The following KASH5 variants were observed in gnomAD, a reference collection of about 807,000 sequenced individuals.
KASH5 encodes protein KASH5.
In KASH5, 72 loss-of-function variants were observed where a neutral mutation model predicts 84.2. That is an observed-to-expected ratio of 0.85 (90% CI 0.71 to 1.04). KASH5 has a LOEUF of 1.04. Among genes scored for constraint, KASH5 ranks in the 50% least tolerant of loss-of-function variants. KASH5 has a pLI of 0.00. For synonymous variants in KASH5, 260 were observed against 279.1 expected, an observed-to-expected ratio of 0.93 and a Z score of 0.68; for missense variants, 650 against 701.0, an observed-to-expected ratio of 0.93 and a Z score of 0.82.
At chr19:49,409,153 C>T in intron 13 of KASH5, 43 bp from the exon 14 acceptor site, 1 of 1,602,372 alleles carries the variant, frequency 6.2e-7, no homozygotes, top group South Asian at 1.1e-5. Context: ...GAGTGGCCAC[C>T]AGGCACAGAG....
At chr19:49,400,903 A>G (rs941739509) in intron 9 of KASH5, among the ~76,000 whole-genome samples, 7 of 152,290 alleles carry the variant, frequency 4.6e-5, no homozygotes, top group South Asian at 4.1e-4. Context: ...AAACTCATCA[A>G]TTGACAATGA....
At position 49,399,813 on chromosome 19, in the gene KASH5, C is replaced by A; in HGVS notation, c.798+306C>A. 1.7e-6 allele frequency: 1 copy of A among 573,592 alleles called. No homozygotes were observed. The highest frequency in any genetic ancestry group is 2.8e-6 in the Non-Finnish European group (1 of 356,808). 35.5% of individuals were successfully genotyped at this position (573,592 alleles called of 1,614,324 possible). A position where few individuals can be genotyped will look rare whatever the true frequency, so the allele number is the denominator to read the frequency against. The stretch of plus-strand genomic sequence containing the variant: ...AGATGAACAAAACAATGGCATCTGC[C>A]TCAGTGGTTTGTGTGAGACTTCAAC... On this transcript the variant is annotated intron_variant, in intron 9 of 19. Coordinates refer to ENST00000447857, the MANE Select transcript of KASH5 (RefSeq NM_144688.5). This position sits in a 1 kb window ranked among gnomAD's most constrained non-coding sequence, Gnocchi z 4.4.
Position 49,416,597 on chromosome 19 carries a change from GT to G in KASH5, c.1375-417del, listed in dbSNP as rs1974911643. Among the ~76,000 whole-genome samples, 1 of 152,218 alleles carries G rather than the reference GT, an allele frequency of 6.6e-6. No individual in the cohort carries two copies. The highest frequency in any genetic ancestry group is 2.4e-5 in the African/African-American group (1 of 41,460). ...ACAGGGGTGGGCACCTGTAGAAGATGTGGTCTCTGCCCTCAGAGAGCTTAGA... is the reference window on the plus strand; with the variant it reads ...ACAGGGGTGGGCACCTGTAGAAGATGGGTCTCTGCCCTCAGAGAGCTTAGA... On this transcript the variant is annotated intron_variant, in intron 17 of 19. Coordinates refer to ENST00000447857, the MANE Select transcript of KASH5 (RefSeq NM_144688.5). This position sits in a 1 kb window ranked among gnomAD's most constrained non-coding sequence, Gnocchi z 5.4.
At chr19:49,393,784 C>T (rs914190686) in intron 2 of KASH5, 1 of 152,238 alleles carries the variant, frequency 6.6e-6, no homozygotes, top group Non-Finnish European at 1.5e-5. Flanking sequence ...ACTCTACCCA[C>T]CCCCCCAGTA....
chr19:49,390,730 G>T, intron 1 of KASH5, 59 bp from the exon 2 acceptor site: 1 of 784,236 alleles, frequency 1.3e-6, no homozygotes, highest in Non-Finnish European at 1.9e-6. Context: ...GGTGGGGCTA[G>T]GCAGGCCCCG....
At chr19:49,408,717 G>T in intron 12 of KASH5, among the ~76,000 whole-genome samples, 1 of 152,204 alleles carries the variant, frequency 6.6e-6, no homozygotes, top group Non-Finnish European at 1.5e-5. Context: ...TGAAGTGCTG[G>T]GATTACAGGC....
rs139008336 is a variant in KASH5 at position 49,402,580 on chromosome 19, G to A, written c.798+3073G>A. On this transcript the variant is annotated intron_variant, in intron 9 of 19. Coordinates refer to ENST00000447857, the MANE Select transcript of KASH5 (RefSeq NM_144688.5). ...AAATTAGCCAGGCGTGGTGGCAGGC[G>A]TCTGTAATCCCAGCTACTTGAGAGG... 3.6e-3 allele frequency among the ~76,000 whole-genome samples: 545 copies of A among 150,834 alleles called. 12 individuals are homozygous for A. Among genetic ancestry groups the A allele is most frequent in the Admixed American group, 0.029 (441 of 15,134 alleles).
chr19:49,413,365 C>T (rs1974788573), intron 16 of KASH5, among the ~76,000 whole-genome samples: 1 of 152,224 alleles, frequency 6.6e-6, no homozygotes, highest in Non-Finnish European at 1.5e-5. Flanking sequence ...TGGTTGTATG[C>T]CGTGAAGTCC....
At chr19:49,405,727 C>T (rs1214074797) in intron 9 of KASH5, among the ~76,000 whole-genome samples, 1 of 151,632 alleles carries the variant, frequency 6.6e-6, no homozygotes, top group African/African-American at 2.4e-5. Context: ...GAGGTGGAGG[C>T]AGGTGGATCG....
At position 49,399,170 on chromosome 19, in the gene KASH5, G is replaced by A. The variant is rs1254541310; in HGVS notation, c.747+28G>A. 8 of 1,518,682 alleles carry A rather than the reference G, an allele frequency of 5.3e-6. No homozygotes were observed. The highest frequency in any genetic ancestry group is 7.1e-6 in the Non-Finnish European group (8 of 1,126,382). The allele number at this position is 1,518,682 out of a possible 1,614,324, so 94.1% of individuals were successfully genotyped here. On this transcript the variant is annotated intron_variant, in intron 8 of 19. Transcript: ENST00000447857. This position sits in a 1 kb window ranked among gnomAD's most constrained non-coding sequence, Gnocchi z 4.4. ...GGGTCTGGCCCAGGGGAAGGAAGGTGCCCTCTCTCTTCTTTGTTTCCTGGA... is the reference window on the plus strand; with the variant it reads ...GGGTCTGGCCCAGGGGAAGGAAGGTACCCTCTCTCTTCTTTGTTTCCTGGA...
Position 49,417,790 on chromosome 19 carries a change from G to A in KASH5, c.*280G>A, listed in dbSNP as rs1173243484. Reference sequence around the variant, plus strand: ...GCTGTGGGCACACAGCTAAGTCTCGGTTGCCTTGGGGTCAGGGCCTCAGTG... The same window carrying A: ...GCTGTGGGCACACAGCTAAGTCTCGATTGCCTTGGGGTCAGGGCCTCAGTG... On this transcript the variant is annotated 3_prime_UTR_variant, in exon 20 of 20. Transcript: ENST00000447857. This position sits in a 1 kb window ranked among gnomAD's most constrained non-coding sequence, Gnocchi z 5.2. 1 of 366,406 alleles carries A rather than the reference G, an allele frequency of 2.7e-6. No individual in the cohort carries two copies. Among genetic ancestry groups the A allele is most frequent in the Non-Finnish European group, 4.8e-6 (1 of 207,640 alleles). 22.7% of individuals were successfully genotyped at this position (366,406 alleles called of 1,614,324 possible).
chr19:49,406,972 C>G lies in KASH5; in HGVS notation c.876+9C>G. ...AGAAGGACACTTTGAAGGTGCCACT[C>G]CTTCCTAGTGCCTGACAACTTTCCA... On this transcript the variant is annotated intron_variant, in intron 10 of 19. Coordinates refer to ENST00000447857, the MANE Select transcript of KASH5 (RefSeq NM_144688.5). 1 of 1,578,170 alleles carries G rather than the reference C, an allele frequency of 6.3e-7. No homozygotes were observed. Among genetic ancestry groups the G allele is most frequent in the Non-Finnish European group, 8.6e-7 (1 of 1,161,878 alleles).
At chr19:49,396,622 T>C (rs534675444) in intron 5 of KASH5, among the ~76,000 whole-genome samples, 1 of 152,276 alleles carries the variant, frequency 6.6e-6, no homozygotes, top group Non-Finnish European at 1.5e-5. Context: ...CTCCCCATGC[T>C]CACTCCTAGA....
rs966315369 is a variant in KASH5, at chr19:49,415,202, C to T, written c.1374+206C>T. On this transcript the variant is annotated intron_variant, in intron 17 of 19. Transcript: ENST00000447857. Reference sequence around the variant, plus strand: ...GGGGGGAGGCCTGGAGGCTAGTGGGCGGCCAGGCTGCTCCCAGGGGACCCT... The same window carrying T: ...GGGGGGAGGCCTGGAGGCTAGTGGGTGGCCAGGCTGCTCCCAGGGGACCCT... 57 of 614,226 alleles carry T rather than the reference C, an allele frequency of 9.3e-5. 1 individual carries two copies. The highest frequency in any genetic ancestry group is 7.4e-5 in the African/African-American group (4 of 54,082). The allele number at this position is 614,226 out of a possible 1,614,324, so 38.0% of individuals were successfully genotyped here.
intron 5 of KASH5, among the ~76,000 whole-genome samples, chr19:49,397,059 A>C (rs1974204572): frequency 6.6e-6 from 1 of 151,140 alleles, no homozygotes; most frequent in South Asian, 2.1e-4. Flanking sequence ...TGTCTTTTAA[A>C]AAAAAAAAAA....
intron 9 of KASH5, among the ~76,000 whole-genome samples, chr19:49,405,015 C>T (rs1413333147): frequency 1.3e-5 from 2 of 152,094 alleles, no homozygotes; most frequent in African/African-American, 4.8e-5. Context: ...AGAATGAGGG[C>T]CTGAAGAGTA....
In KASH5 at chr19:49,407,666, A is replaced by C; in HGVS notation, c.988A>C (p.Thr330Pro). 1 of 1,603,864 alleles carries C rather than the reference A, an allele frequency of 6.2e-7. No homozygotes were observed. The highest frequency in any genetic ancestry group is 1.1e-5 in the South Asian group (1 of 89,170). The change falls in exon 12 of 20, where the codon ACG (threonine) becomes CCG (proline). Residue 330 changes from threonine to proline, a missense_variant. Coordinates refer to ENST00000447857, the MANE Select transcript of KASH5 (RefSeq NM_144688.5). ...GACCCTGGAAGAATACAGAGTGACG[A>C]CGCAGGTAACTCAGCGGCCCTCGCC... ...AQTLEEYRVT[T>P]QELRLEISRL...
intron 9 of KASH5, among the ~76,000 whole-genome samples, chr19:49,405,285 C>T (rs984316763): frequency 2.6e-5 from 4 of 151,730 alleles, no homozygotes; most frequent in African/African-American, 9.7e-5. Context: ...GGTGAAACCC[C>T]GTCTCTACTA....
chr19:49,414,146 C>T lies in KASH5; in HGVS notation c.1329-805C>T, dbSNP rs1054429325. Among the ~76,000 whole-genome samples, 4 of 152,056 alleles carry T rather than the reference C, an allele frequency of 2.6e-5. No homozygotes were observed. The highest frequency in any genetic ancestry group is 1.3e-4 in the Admixed American group (2 of 15,274). ...AGGGGCCTCCCTAGGAGCCTCCCGCCGAGGCAGGGTCAGGAGCCAGATCTC... is the reference window on the plus strand; with the variant it reads ...AGGGGCCTCCCTAGGAGCCTCCCGCTGAGGCAGGGTCAGGAGCCAGATCTC... On this transcript the variant is annotated intron_variant, in intron 16 of 19. Transcript: ENST00000447857. This position sits in a 1 kb window ranked among gnomAD's most constrained non-coding sequence, Gnocchi z 4.5.
Sources: allele counts gnomAD v4.1 joint callset (sites outside exome capture counted in the v4.1 genomes callset), GRCh38; gene constraint gnomAD v4.1.1; non-coding constraint Gnocchi (gnomAD v3.1); transcripts MANE v1.5; gene names NCBI Gene and HGNC (gene_info 2026-07-23, HGNC 2026-07-21).